MYO1D: variants seen among roughly 807,000 people sequenced by gnomAD.
The protein encoded by MYO1D is unconventional myosin-Id.
A neutral mutation model predicts 122.0 loss-of-function variants in MYO1D; 83 were observed. The ratio of observed to expected loss-of-function variants is 0.68; its 90% CI spans 0.57 to 0.82. MYO1D has a LOEUF of 0.82. Ranked by LOEUF, MYO1D falls within the 40% of genes least tolerant of loss-of-function variation. The pLI is 0.00. For synonymous variants in MYO1D, 464 were observed against 446.9 expected, an observed-to-expected ratio of 1.04 and a Z score of -0.48; for missense variants, 1,157 against 1,269.5, an observed-to-expected ratio of 0.91 and a Z score of 1.35.
At chr17:32,693,627 C>A (rs760492707) in intron 16 of MYO1D, among the ~76,000 whole-genome samples, 3 of 152,148 alleles carry the variant, frequency 2.0e-5, no homozygotes, top group Non-Finnish European at 4.4e-5. Context: ...CACACTGATG[C>A]GCCAAATTGG....
chr17:32,838,036 T>C (rs2090844553), intron 1 of MYO1D, among the ~76,000 whole-genome samples: 1 of 152,198 alleles, frequency 6.6e-6, no homozygotes, highest in African/African-American at 2.4e-5. Flanking sequence ...ATGTTCTTTG[T>C]GCTTTTCAAA....
intron 11 of MYO1D, among the ~76,000 whole-genome samples, chr17:32,749,568 T>C (rs2089877355): frequency 6.6e-6 from 1 of 151,982 alleles, no homozygotes; most frequent in African/African-American, 2.4e-5. Flanking sequence ...CCGTCTCTAC[T>C]AAAAATACAA....
chr17:32,698,227 T>G (rs1162904086), intron 16 of MYO1D, among the ~76,000 whole-genome samples: 1 of 152,124 alleles, frequency 6.6e-6, no homozygotes, highest in African/African-American at 2.4e-5. Flanking sequence ...TCAGTAGGTT[T>G]TGTGTTTTCT....
intron 16 of MYO1D, among the ~76,000 whole-genome samples, chr17:32,695,088 T>C (rs978257089): frequency 2.0e-5 from 3 of 151,814 alleles, no homozygotes; most frequent in African/African-American, 7.3e-5. Context: ...CCTAGATCAG[T>C]GGTCTTGAAC....
Position 32,604,390 on chromosome 17 carries a change from C to G in MYO1D, c.2864+697G>C, listed in dbSNP as rs1439182060. Among the ~76,000 whole-genome samples, 7 of 152,148 alleles carry G rather than the reference C, an allele frequency of 4.6e-5. No individual in the cohort carries two copies. The South Asian group carries it at 1.5e-3, about 32-fold the overall frequency. Reference sequence around the variant, plus strand: ...GAGCACTTGACTTTGGAGAGATACACCCACCCAAATACTCCATGACCCCTT... The same window carrying G: ...GAGCACTTGACTTTGGAGAGATACAGCCACCCAAATACTCCATGACCCCTT... On this transcript the variant is annotated intron_variant, in intron 21 of 21. Coordinates refer to ENST00000318217, the MANE Select transcript of MYO1D (RefSeq NM_015194.3).
At chr17:32,783,354 C>A (rs1304807151) in intron 1 of MYO1D, among the ~76,000 whole-genome samples, 4 of 151,962 alleles carry the variant, frequency 2.6e-5, no homozygotes, top group Non-Finnish European at 4.4e-5. Flanking sequence ...TATTTTATTA[C>A]AAATAAAATA....
rs1172709414 is a variant in MYO1D, at chr17:32,687,738, C to CA, written c.2121+24249dup. ...TGCACATAAATAGCTCTTATATATTCAAAAATATCTTTGCTTTCATACATA... is the reference window on the plus strand; with the variant it reads ...TGCACATAAATAGCTCTTATATATTCAAAAAATATCTTTGCTTTCATACATA... On this transcript the variant is annotated intron_variant, in intron 16 of 21. Coordinates refer to ENST00000318217, the MANE Select transcript of MYO1D (RefSeq NM_015194.3). 3.3e-5 allele frequency among the ~76,000 whole-genome samples: 5 copies of CA among 152,268 alleles called. No individual in the cohort carries two copies. In the South Asian group the frequency reaches 1.0e-3, roughly 32 times the overall value.
At chr17:32,714,587 A>G (rs2089419169) in intron 15 of MYO1D, among the ~76,000 whole-genome samples, 1 of 152,230 alleles carries the variant, frequency 6.6e-6, no homozygotes, top group South Asian at 2.1e-4. Flanking sequence ...TTCCCTATTT[A>G]ATAAATGATG....
chr17:32,796,756 G>A (rs2090420570), intron 1 of MYO1D, among the ~76,000 whole-genome samples: 1 of 152,062 alleles, frequency 6.6e-6, no homozygotes, highest in African/African-American at 2.4e-5. Context: ...AGATGGCTGA[G>A]GACTTTAACT....
At chr17:32,824,676 C>T (rs115304880) in intron 1 of MYO1D, among the ~76,000 whole-genome samples, 3,965 of 152,318 alleles carry the variant, frequency 0.026, 179 homozygotes, top group African/African-American at 0.089. Context: ...AGAATTGACC[C>T]AGGACCTCTT....
chr17:32,764,877 C>T lies in MYO1D; in HGVS notation c.1035+1G>A. 2 of 1,613,968 alleles carry T rather than the reference C, an allele frequency of 1.2e-6. No individual in the cohort carries two copies. Among genetic ancestry groups the T allele is most frequent in the Non-Finnish European group, 1.7e-6 (2 of 1,180,026 alleles). On this transcript the variant is annotated splice_donor_variant, in intron 8 of 21. Transcript: ENST00000318217. LOFTEE classifies it high-confidence loss of function. Reference sequence around the variant, plus strand: ...TGACATAGGGTCAGTTACACTCTCACCTTGGCAAAGGCGTCTCTGCCGTAG... The same window carrying T: ...TGACATAGGGTCAGTTACACTCTCATCTTGGCAAAGGCGTCTCTGCCGTAG...
At chr17:32,635,478 A>C (rs1483097135) in intron 20 of MYO1D, among the ~76,000 whole-genome samples, 2 of 152,174 alleles carry the variant, frequency 1.3e-5, no homozygotes, top group Non-Finnish European at 2.9e-5. Flanking sequence ...AGGTGGGCAG[A>C]TCATGAGGTG....
intron 16 of MYO1D, among the ~76,000 whole-genome samples, chr17:32,664,170 A>C (rs1013512863): frequency 1.3e-5 from 2 of 152,228 alleles, no homozygotes; most frequent in African/African-American, 4.8e-5. Flanking sequence ...AAAATGATTC[A>C]TGCATTTTCC....
chr17:32,580,702 C>T (rs73278231), intron 21 of MYO1D, among the ~76,000 whole-genome samples: 61 of 152,200 alleles, frequency 4.0e-4, no homozygotes, highest in African/African-American at 1.4e-3. Flanking sequence ...AGCCACTGCT[C>T]CCGGACTATC....
chr17:32,612,698 A>C (rs1169002908), intron 20 of MYO1D, among the ~76,000 whole-genome samples: 1 of 138,708 alleles, frequency 7.2e-6, no homozygotes, highest in African/African-American at 2.6e-5. Flanking sequence ...AAAAAAAACA[A>C]AAAAAAAAAA....
intron 21 of MYO1D, among the ~76,000 whole-genome samples, chr17:32,507,072 C>T (rs1909525886): frequency 6.6e-6 from 1 of 152,052 alleles, no homozygotes; most frequent in African/African-American, 2.4e-5. Flanking sequence ...ATATGATTTA[C>T]AAAGATAAAA....
intron 1 of MYO1D, among the ~76,000 whole-genome samples, chr17:32,827,707 T>A (rs1448393558): frequency 6.6e-6 from 1 of 152,056 alleles, no homozygotes; most frequent in Non-Finnish European, 1.5e-5. Context: ...AAAAAAGACA[T>A]CATTAAGTTT....
chr17:32,575,774 A>T (rs1173957946), intron 21 of MYO1D, among the ~76,000 whole-genome samples: 1 of 152,184 alleles, frequency 6.6e-6, no homozygotes, highest in Admixed American at 6.5e-5. Flanking sequence ...TCAGAAATAC[A>T]TCCATCATAC....
intron 16 of MYO1D, among the ~76,000 whole-genome samples, chr17:32,681,455 T>C (rs1178994401): frequency 6.8e-6 from 1 of 147,220 alleles, no homozygotes; most frequent in Non-Finnish European, 1.5e-5. Context: ...TGTTGTGTCT[T>C]TGTTCTCGTT....
Sources: allele counts gnomAD v4.1 joint callset (sites outside exome capture counted in the v4.1 genomes callset), GRCh38; gene constraint gnomAD v4.1.1; transcripts MANE v1.5; gene names NCBI Gene and HGNC (gene_info 2026-07-23, HGNC 2026-07-21).